Variants in MAD1L1 observed in about 807,000 individuals in gnomAD.
MAD1L1 encodes the protein mitotic arrest deficient 1 like 1.
Under a neutral mutation model 96.9 loss-of-function variants are expected in MAD1L1, and 95 were observed. That is an observed-to-expected ratio of 0.98 (90% CI 0.83 to 1.16). The LOEUF (loss-of-function observed/expected upper bound fraction) is 1.16, where lower values mean the gene tolerates loss of function less well. Ranked by LOEUF, MAD1L1 falls within the 50% of genes most tolerant of loss-of-function variation. MAD1L1 has a pLI of 0.00. For synonymous variants in MAD1L1, 473 were observed against 396.6 expected, an observed-to-expected ratio of 1.19 and a Z score of -2.29; for missense variants, 1,007 against 954.4, an observed-to-expected ratio of 1.06 and a Z score of -0.73.
At chr7:2,000,883 C>T (rs1042774555) in intron 14 of MAD1L1, among the ~76,000 whole-genome samples, 3 of 152,238 alleles carry the variant, frequency 2.0e-5, no homozygotes, top group Non-Finnish European at 2.9e-5. Flanking sequence ...CTCTCTGCGC[C>T]GCTGGGCAGC....
chr7:2,016,618 C>G (rs939946), intron 12 of MAD1L1, among the ~76,000 whole-genome samples: 44,960 of 152,168 alleles, frequency 0.3, 7,682 homozygotes, highest in Admixed American at 0.46. Context: ...TGCAGGGGCT[C>G]AGGAAACCCC....
At chr7:2,154,255 C>T (rs1027788720) in intron 10 of MAD1L1, among the ~76,000 whole-genome samples, 7 of 152,182 alleles carry the variant, frequency 4.6e-5, no homozygotes, top group African/African-American at 1.2e-4. Context: ...AGAAACTGCA[C>T]GTCTTCACTC....
chr7:1,987,099 G>A (rs1781185531), intron 14 of MAD1L1, among the ~76,000 whole-genome samples: 1 of 152,124 alleles, frequency 6.6e-6, no homozygotes, highest in South Asian at 2.1e-4. Flanking sequence ...AGATCCAGTG[G>A]AAATGCCGCC....
intron 18 of MAD1L1, among the ~76,000 whole-genome samples, chr7:1,842,045 T>G (rs999790388): frequency 6.6e-6 from 1 of 152,236 alleles, no homozygotes; most frequent in Non-Finnish European, 1.5e-5. Context: ...CAAATTGCCT[T>G]GTTTTTCGTC....
At chr7:2,161,802 G>A (rs1179633042) in intron 10 of MAD1L1, among the ~76,000 whole-genome samples, 2 of 149,944 alleles carry the variant, frequency 1.3e-5, no homozygotes, top group Non-Finnish European at 3.0e-5. Context: ...CCGCCACCCC[G>A]TCTGGGAGGT....
intron 18 of MAD1L1, among the ~76,000 whole-genome samples, chr7:1,853,193 G>A (rs1012644282): frequency 6.6e-6 from 1 of 152,188 alleles, no homozygotes; most frequent in African/African-American, 2.4e-5. Context: ...TGTCATCTCA[G>A]TCCACCACCA....
At chr7:1,868,669 G>A (rs369996889) in intron 18 of MAD1L1, among the ~76,000 whole-genome samples, 1 of 152,226 alleles carries the variant, frequency 6.6e-6, no homozygotes, top group African/African-American at 2.4e-5. Context: ...ATGCCGGGTA[G>A]GAGTGACACG....
intron 18 of MAD1L1, among the ~76,000 whole-genome samples, chr7:1,869,255 G>A (rs753923808): frequency 2.6e-5 from 4 of 152,142 alleles, no homozygotes; most frequent in Admixed American, 6.5e-5. Context: ...GTCAGCCCAC[G>A]TGGAGAGCAC....
intron 18 of MAD1L1, among the ~76,000 whole-genome samples, chr7:1,851,550 T>C (rs1583556533): frequency 6.6e-6 from 1 of 152,026 alleles, no homozygotes; most frequent in Non-Finnish European, 1.5e-5. Context: ...GCACGGCTAG[T>C]CTGAAAACTC....
intron 16 of MAD1L1, among the ~76,000 whole-genome samples, chr7:1,947,783 G>T (rs1583884571): frequency 6.6e-6 from 1 of 152,376 alleles, no homozygotes; most frequent in East Asian, 1.9e-4. Flanking sequence ...GCCCTCAGCA[G>T]CGGCCTGACC....
intron 17 of MAD1L1, among the ~76,000 whole-genome samples, chr7:1,923,294 G>A (rs1485625200): frequency 6.6e-6 from 1 of 152,216 alleles, no homozygotes; most frequent in Admixed American, 6.5e-5. Flanking sequence ...TTGCCCTGGT[G>A]CTACCCAGTC....
chr7:2,147,589 A>C (rs1424263736), intron 11 of MAD1L1, among the ~76,000 whole-genome samples: 2 of 152,114 alleles, frequency 1.3e-5, no homozygotes, highest in Non-Finnish European at 2.9e-5. Context: ...AACAGGACGG[A>C]GCACCAAGCG....
intron 18 of MAD1L1, among the ~76,000 whole-genome samples, chr7:1,879,199 T>C (rs904403717): frequency 6.6e-6 from 1 of 152,094 alleles, no homozygotes; most frequent in Admixed American, 6.5e-5. Flanking sequence ...CCCGGCCGGG[T>C]GCAGTGGCTC....
intron 18 of MAD1L1, chr7:1,844,083 T>C (rs565785457): frequency 6.5e-6 from 1 of 154,528 alleles, no homozygotes; most frequent in Admixed American, 6.5e-5. Context: ...AGAAGGCAAC[T>C]AAAAATCCCC....
intron 18 of MAD1L1, among the ~76,000 whole-genome samples, chr7:1,852,434 A>G (rs1784026590): frequency 6.6e-6 from 1 of 152,082 alleles, no homozygotes; most frequent in South Asian, 2.1e-4. Flanking sequence ...TGGACCTTGC[A>G]CTGGGGGGAG....
At chr7:1,817,930 C>T (rs1583461257) in intron 18 of MAD1L1, among the ~76,000 whole-genome samples, 2 of 152,134 alleles carry the variant, frequency 1.3e-5, no homozygotes, top group South Asian at 2.1e-4. Flanking sequence ...AGAGGCCCTG[C>T]GACCTGACCT....
intron 18 of MAD1L1, among the ~76,000 whole-genome samples, chr7:1,819,829 A>G (rs567276454): frequency 1.3e-5 from 2 of 152,186 alleles, no homozygotes; most frequent in South Asian, 4.2e-4. Context: ...TCGGAGGCCA[A>G]GGGGGAAGTG....
intron 18 of MAD1L1, among the ~76,000 whole-genome samples, chr7:1,826,189 C>T (rs553150995): frequency 2.0e-5 from 3 of 152,272 alleles, no homozygotes; most frequent in Admixed American, 2.0e-4. Flanking sequence ...GTCTCAGGTG[C>T]TGTGGGGCCA....
intron 17 of MAD1L1, among the ~76,000 whole-genome samples, chr7:1,919,338 T>C (rs1221666143): frequency 6.6e-6 from 1 of 152,238 alleles, no homozygotes; most frequent in Non-Finnish European, 1.5e-5. Flanking sequence ...ACACGGTGTG[T>C]TGGAGCCAGG....
Sources: gnomAD v4.1 joint callset for allele counts (sites outside exome capture counted in the v4.1 genomes callset) on GRCh38, gnomAD v4.1.1 for gene constraint, MANE v1.5 for transcripts, NCBI Gene and HGNC (gene_info 2026-07-23, HGNC 2026-07-21) for gene names.